Variants in STMND1 observed in about 807,000 individuals in gnomAD.
The protein encoded by STMND1 is stathmin domain-containing protein 1.
Under a neutral mutation model 23.0 loss-of-function variants are expected in STMND1, and 17 were observed. The ratio of observed to expected loss-of-function variants is 0.74; its 90% confidence interval spans 0.51 to 1.11. The LOEUF (loss-of-function observed/expected upper bound fraction) is 1.11, where lower values mean the gene tolerates loss of function less well. Among genes scored for constraint, STMND1 ranks in the 50% least tolerant of loss-of-function variants. The probability of loss-of-function intolerance (pLI) is 0.00; values close to 1 mark genes in which losing one functional copy is unlikely to be tolerated. For synonymous variants in STMND1, 114 were observed against 119.9 expected (o/e 0.95, Z 0.32); for missense variants, 305 against 329.1 (o/e 0.93, Z 0.57).
At position 17,130,656 on chromosome 6, in the gene STMND1, C is replaced by T. The variant is rs2113498393; in HGVS notation, c.606C>T (p.His202=). The T allele has an allele frequency of 2.6e-6, 4 of 1,535,896 alleles. No individual in the cohort carries two copies. The highest frequency in any genetic ancestry group is 3.5e-6 in the Non-Finnish European group (4 of 1,146,816). ...RSDRLLPSAN[H]SDSAELDGAE... The stretch of plus-strand genomic sequence containing the variant: ...ACCGACTTTTGCCTTCAGCCAATCA[C>T]TCAGATTCAGCTGAATTAGATGGGG... Residue 202 remains histidine, a synonymous_variant, in exon 5 of 5, where the codon CAC becomes CAT. Coordinates refer to ENST00000536551, the MANE Select transcript of STMND1 (RefSeq NM_001190766.2).
intron 1 of STMND1, among the ~76,000 whole-genome samples, chr6:17,105,132 A>G (rs1286679478): frequency 6.6e-6 from 1 of 152,236 alleles, no homozygotes; most frequent in African/African-American, 2.4e-5. Context: ...CATAGATTAT[A>G]TGCAAATACT....
At chr6:17,110,759 C>T in intron 1 of STMND1, 1 of 455,268 alleles carries the variant, frequency 2.2e-6, no homozygotes, top group South Asian at 1.6e-5. Context: ...CAGAGCAAGA[C>T]TCTGTCTCAA....
chr6:17,121,594 T>C (rs1581372454), intron 3 of STMND1, among the ~76,000 whole-genome samples: 2 of 152,268 alleles, frequency 1.3e-5, no homozygotes, highest in East Asian at 3.9e-4. Context: ...TATAAATATA[T>C]ACAATTATGT....
At chr6:17,104,813 A>G (rs1471814527) in intron 1 of STMND1, among the ~76,000 whole-genome samples, 1 of 152,162 alleles carries the variant, frequency 6.6e-6, no homozygotes, top group East Asian at 1.9e-4. Context: ...TTCTAGATTT[A>G]TTATTTATTT....
At chr6:17,102,763 A>G (rs1760960602) in intron 1 of STMND1, among the ~76,000 whole-genome samples, 1 of 152,150 alleles carries the variant, frequency 6.6e-6, no homozygotes, top group East Asian at 1.9e-4. Context: ...TTGGCTTCTG[A>G]AAAATAGGCC....
Position 17,130,901 on chromosome 6 carries a change from A to T in STMND1, c.*20A>T. ...TACTAAGCCATTTTTTGTGAATTTC[A>T]TAAGAAAGCATTCATTCTCCCCATT... On this transcript the variant is annotated 3_prime_UTR_variant, in exon 5 of 5. Coordinates refer to ENST00000536551, the MANE Select transcript of STMND1 (RefSeq NM_001190766.2). The T allele has an allele frequency of 1.3e-6, 2 of 1,487,374 alleles. No homozygotes were observed. Among genetic ancestry groups the T allele is most frequent in the Non-Finnish European group, 1.8e-6 (2 of 1,119,740 alleles). The allele number at this position is 1,487,374 out of a possible 1,614,324, so 92.1% of individuals were successfully genotyped here. A position where few individuals can be genotyped will look rare whatever the true frequency, so the allele number is the denominator to read the frequency against.
chr6:17,107,721 T>C lies in STMND1; in HGVS notation c.81+5383T>C, dbSNP rs1039270198. Reference sequence around the variant, plus strand: ...AAGAGATCCTTTCACCTCAGCCTGCTGAGTAGCTGGGAATACAAGTATGAG... The same window carrying C: ...AAGAGATCCTTTCACCTCAGCCTGCCGAGTAGCTGGGAATACAAGTATGAG... On this transcript the variant is annotated intron_variant, in intron 1 of 4. Transcript: ENST00000536551. Among the ~76,000 whole-genome samples the C allele has an allele frequency of 2.0e-5, 3 of 152,292 alleles. No homozygotes were observed. In the East Asian group the frequency reaches 5.8e-4, roughly 29 times the overall value.
chr6:17,108,351 G>T (rs1238679841), intron 1 of STMND1, among the ~76,000 whole-genome samples: 1 of 151,088 alleles, frequency 6.6e-6, no homozygotes, highest in Non-Finnish European at 1.5e-5. Context: ...AATTCCCGTG[G>T]GCATTTTGCT....
chr6:17,107,248 C>T (rs938725955), intron 1 of STMND1, among the ~76,000 whole-genome samples: 3 of 152,110 alleles, frequency 2.0e-5, no homozygotes, highest in Non-Finnish European at 4.4e-5. Context: ...AGCTATAGAA[C>T]AAATGTAGTA....
intron 3 of STMND1, among the ~76,000 whole-genome samples, chr6:17,125,094 G>A (rs961339186): frequency 2.7e-5 from 4 of 146,784 alleles, no homozygotes; most frequent in East Asian, 2.0e-4. Context: ...AGCTGGGAGC[G>A]TCCCTTGAGG....
chr6:17,121,564 CA>C (rs1761233541), intron 3 of STMND1, among the ~76,000 whole-genome samples: 2 of 152,084 alleles, frequency 1.3e-5, no homozygotes, highest in Admixed American at 1.3e-4. Flanking sequence ...ACGCATGTAT[CA>C]AAACATCATA....
At chr6:17,120,465 G>A in intron 2 of STMND1, 142 bp from the exon 3 acceptor site, 2 of 596,332 alleles carry the variant, frequency 3.4e-6, no homozygotes, top group Non-Finnish European at 5.5e-6. Flanking sequence ...GGATCACAAA[G>A]ACTTATAATA....
intron 1 of STMND1, among the ~76,000 whole-genome samples, chr6:17,107,204 C>G (rs1761035894): frequency 2.0e-5 from 3 of 152,114 alleles, no homozygotes; most frequent in South Asian, 2.1e-4. Flanking sequence ...ACAAATTATT[C>G]CCTTCAAGCT....
chr6:17,109,438 T>C (rs995823261), intron 1 of STMND1, among the ~76,000 whole-genome samples: 1 of 152,246 alleles, frequency 6.6e-6, no homozygotes, highest in Admixed American at 6.5e-5. Context: ...CTAGCCATTG[T>C]GATCTCTACT....
rs1760944102 is a variant in STMND1, at chr6:17,102,113, G to A, written c.-145G>A. 8 of 721,130 alleles carry A rather than the reference G, an allele frequency of 1.1e-5. No homozygotes were observed. The highest frequency in any genetic ancestry group is 3.9e-4 in the Middle Eastern group (1 of 2,554). The allele number at this position is 721,130 out of a possible 1,614,324, so 44.7% of individuals were successfully genotyped here. A position where few individuals can be genotyped will look rare whatever the true frequency, so the allele number is the denominator to read the frequency against. On this transcript the variant is annotated 5_prime_UTR_variant, in exon 1 of 5. Transcript: ENST00000536551. The stretch of plus-strand genomic sequence containing the variant: ...CGGGGTTTAAGCGCGGGAAGTGGGA[G>A]AGGCGGGTGGCGCCCGAGCGCAGTA...
At chr6:17,116,334 G>A (rs1373942413) in intron 2 of STMND1, among the ~76,000 whole-genome samples, 2 of 152,196 alleles carry the variant, frequency 1.3e-5, no homozygotes, top group Non-Finnish European at 2.9e-5. Context: ...AGAGTGAGTA[G>A]GACCTAGTAC....
intron 2 of STMND1, among the ~76,000 whole-genome samples, chr6:17,117,213 C>T (rs1371982792): frequency 6.6e-6 from 1 of 151,870 alleles, no homozygotes; most frequent in African/African-American, 2.4e-5. Flanking sequence ...GGATTACAGG[C>T]GCCCACCACC....
At chr6:17,129,518 C>G (rs1354370392) in intron 4 of STMND1, among the ~76,000 whole-genome samples, 1 of 149,062 alleles carries the variant, frequency 6.7e-6, no homozygotes, top group African/African-American at 2.5e-5. Flanking sequence ...ACTACAGGCC[C>G]ATACCACTAC....
intron 1 of STMND1, among the ~76,000 whole-genome samples, chr6:17,108,091 G>T (rs189379909): frequency 4.6e-5 from 7 of 152,294 alleles, no homozygotes; most frequent in African/African-American, 1.7e-4. Flanking sequence ...ATAAAAGACT[G>T]TGTTTTGTCT....
Sources: gnomAD v4.1 joint callset for allele counts (sites outside exome capture counted in the v4.1 genomes callset) on GRCh38, gnomAD v4.1.1 for gene constraint, MANE v1.5 for transcripts, NCBI Gene and HGNC (gene_info 2026-07-23, HGNC 2026-07-21) for gene names.